The following ALOX5 variants were observed in gnomAD, a reference collection of about 807,000 sequenced individuals.
ALOX5 encodes the protein polyunsaturated fatty acid 5-lipoxygenase.
In ALOX5, 64 loss-of-function variants were observed where a neutral mutation model predicts 87.9. The ratio of observed to expected loss-of-function variants is 0.73; its 90% CI spans 0.60 to 0.90. The LOEUF is 0.90. Among genes scored for constraint, ALOX5 ranks in the 40% least tolerant of loss-of-function variants. The pLI, the probability that ALOX5 is intolerant of heterozygous loss-of-function variation, is 0.00. For missense variants in ALOX5, 822 were observed against 907.5 expected, an observed-to-expected ratio of 0.91 and a Z score of 1.21; for synonymous variants, 388 against 355.1, an observed-to-expected ratio of 1.09 and a Z score of -1.04.
chr10:45,388,056 C>T (rs1266897205), intron 2 of ALOX5, among the ~76,000 whole-genome samples: 1 of 152,204 alleles, frequency 6.6e-6, no homozygotes, highest in Non-Finnish European at 1.5e-5. Flanking sequence ...TGGTGACGGA[C>T]AGCACCTGGA....
At chr10:45,444,665 G>C (rs1205387803) in intron 13 of ALOX5, 3 of 225,248 alleles carry the variant, frequency 1.3e-5, no homozygotes, top group Non-Finnish European at 2.6e-5. Context: ...CCTAACAACT[G>C]AATCCGGTGT....
chr10:45,392,003 C>T (rs1277355753), intron 2 of ALOX5, among the ~76,000 whole-genome samples: 1 of 151,438 alleles, frequency 6.6e-6, no homozygotes, highest in East Asian at 2.0e-4. Context: ...GCGGTCAGCC[C>T]CCCGCCCGGC....
chr10:45,409,966 A>AG (rs991499599), intron 3 of ALOX5, among the ~76,000 whole-genome samples: 1 of 152,256 alleles, frequency 6.6e-6, no homozygotes, highest in African/African-American at 2.4e-5. Flanking sequence ...TCCATAGACC[A>AG]GGGCAGGGCA....
Position 45,405,945 on chromosome 10 carries a change from G to T in ALOX5, c.432-6246G>T, listed in dbSNP as rs533485896. Among the ~76,000 whole-genome samples the T allele has an allele frequency of 3.3e-5, 5 of 152,182 alleles. No individual in the cohort carries two copies. In the South Asian group the frequency reaches 1.0e-3, roughly 32 times the overall value. On this transcript the variant is annotated intron_variant, in intron 3 of 13. Coordinates refer to ENST00000374391, the MANE Select transcript of ALOX5 (RefSeq NM_000698.5). The stretch of plus-strand genomic sequence containing the variant: ...ATACATACCTGGGTGGAACTCTCCC[G>T]GTAGCATTCGTTCCTGACTTGGATG...
chr10:45,434,886 C>T (rs932740908), intron 7 of ALOX5, among the ~76,000 whole-genome samples: 7 of 152,332 alleles, frequency 4.6e-5, no homozygotes, highest in South Asian at 2.1e-4. Flanking sequence ...TATCCCTGGG[C>T]GCTGGAAGAT....
At chr10:45,387,402 G>A (rs1421506264) in intron 2 of ALOX5, among the ~76,000 whole-genome samples, 1 of 152,202 alleles carries the variant, frequency 6.6e-6, no homozygotes, top group Admixed American at 6.5e-5. Flanking sequence ...AAAACCCAGA[G>A]TGAACTCCCG....
Position 45,444,172 on chromosome 10 carries a change from G to C in ALOX5, c.1731G>C (p.Pro577=). The change falls in exon 13 of 14, where the codon CCG becomes CCC. Residue 577 remains proline (P), a synonymous_variant. Transcript: ENST00000374391. ...NAPPTMRAPP[P]TAKGVVTIEQ... ...CCCCAACCATGCGAGCCCCGCCACC[G>C]ACTGCCAAGGGCGTGGTGACCATTG... The C allele has an allele frequency of 6.4e-7, 1 of 1,556,726 alleles. No homozygotes were observed. The highest frequency in any genetic ancestry group is 1.4e-5 in the African/African-American group (1 of 73,494).
At chr10:45,438,737 A>G (rs867952844) in intron 7 of ALOX5, among the ~76,000 whole-genome samples, 2 of 152,226 alleles carry the variant, frequency 1.3e-5, no homozygotes, top group Non-Finnish European at 2.9e-5. Context: ...CTGGGTGCAG[A>G]GTTCTGAGAC....
chr10:45,401,883 G>A (rs1041886913), intron 3 of ALOX5, among the ~76,000 whole-genome samples: 15 of 152,142 alleles, frequency 9.9e-5, no homozygotes, highest in Non-Finnish European at 1.6e-4. Context: ...TCAGGAGATC[G>A]AGACCATCCT....
chr10:45,407,920 G>A (rs1243105757), intron 3 of ALOX5, among the ~76,000 whole-genome samples: 1 of 152,170 alleles, frequency 6.6e-6, no homozygotes, highest in African/African-American at 2.4e-5. Context: ...AACCAAAAGG[G>A]GGAGGCAGGT....
chr10:45,422,621 G>A (rs1421497079), intron 4 of ALOX5, among the ~76,000 whole-genome samples: 1 of 152,200 alleles, frequency 6.6e-6, no homozygotes, highest in African/African-American at 2.4e-5. Context: ...AGCATGCATA[G>A]GGCAGCAGGC....
chr10:45,395,312 T>C (rs1840456191), intron 2 of ALOX5, among the ~76,000 whole-genome samples: 1 of 152,130 alleles, frequency 6.6e-6, no homozygotes, highest in Non-Finnish European at 1.5e-5. Flanking sequence ...TGTAGGGACA[T>C]GGATGAAGCT....
rs571463472 is a variant in ALOX5 at position 45,445,785 on chromosome 10, A to T, written c.*98A>T. The T allele has an allele frequency of 1.3e-5, 17 of 1,329,916 alleles. No individual in the cohort carries two copies. The East Asian group carries it at 4.0e-4, about 31-fold the overall frequency. The allele number at this position is 1,329,916 out of a possible 1,614,324, so 82.4% of individuals were successfully genotyped here. ...TCTGGCCAGGCCTCTTGGCAGTCAC[A>T]TCTCTTCCTCCGAGGCCAGTACCTT... is the stretch of plus-strand genomic sequence containing the variant. On this transcript the variant is annotated 3_prime_UTR_variant, in exon 14 of 14. Transcript: ENST00000374391.
Position 45,374,316 on chromosome 10 carries a change from C to T in ALOX5, c.37C>T (p.Gln13Ter). 6.6e-7 allele frequency: 1 copy of T among 1,521,846 alleles called. No individual in the cohort carries two copies. Among genetic ancestry groups the T allele is most frequent in the South Asian group, 1.2e-5 (1 of 81,668 alleles). 94.3% of individuals were successfully genotyped at this position (1,521,846 alleles called of 1,614,324 possible). The part of the protein sequence containing the change: ...SYTVTVATGS[Q>*]WFAGTDDYIY... ...CACGGTCACCGTGGCCACTGGCAGCCAGTGGTTCGCCGGCACTGACGACTA... is the reference window on the plus strand; with the variant it reads ...CACGGTCACCGTGGCCACTGGCAGCTAGTGGTTCGCCGGCACTGACGACTA... The change falls in exon 1 of 14, where the codon CAG becomes TAG. Residue 13 changes from glutamine to a stop codon, truncating the protein, a stop_gained. Coordinates refer to ENST00000374391, the MANE Select transcript of ALOX5 (RefSeq NM_000698.5). LOFTEE classifies it high-confidence loss of function.
In ALOX5 at chr10:45,441,359, G is replaced by T. The variant is rs755046400; in HGVS notation, c.1201G>T (p.Val401Leu). The change falls in exon 9 of 14, where the codon GTG becomes TTG. Residue 401 changes from valine to leucine, a missense_variant. By Grantham distance (32) the Val-to-Leu change is conservative. Coordinates refer to ENST00000374391, the MANE Select transcript of ALOX5 (RefSeq NM_000698.5). ...HPIFKLLVAHVRFTIAINTKA... is the reference protein window; with the variant it reads ...HPIFKLLVAHLRFTIAINTKA... The stretch of plus-strand genomic sequence containing the variant: ...CCCTCCCCAGCTGCTGGTGGCACAC[G>T]TGAGATTCACCATTGCAATCAACAC... 1 of 1,613,616 alleles carries T rather than the reference G, an allele frequency of 6.2e-7. No individual in the cohort carries two copies. Among genetic ancestry groups the T allele is most frequent in the Non-Finnish European group, 8.5e-7 (1 of 1,179,664 alleles).
chr10:45,388,524 C>T (rs780997444), intron 2 of ALOX5, among the ~76,000 whole-genome samples: 2 of 152,248 alleles, frequency 1.3e-5, no homozygotes, highest in Non-Finnish European at 2.9e-5. Context: ...GCAACATTTG[C>T]TGTTCAGCAA....
At chr10:45,391,563 G>A (rs1588992360) in intron 2 of ALOX5, among the ~76,000 whole-genome samples, 1 of 151,858 alleles carries the variant, frequency 6.6e-6, no homozygotes, top group Non-Finnish European at 1.5e-5. Flanking sequence ...CATCGTCTGG[G>A]ATGTAAGGAG....
chr10:45,395,431 G>T (rs905597602), intron 2 of ALOX5, among the ~76,000 whole-genome samples: 1 of 152,040 alleles, frequency 6.6e-6, no homozygotes, highest in South Asian at 2.1e-4. Flanking sequence ...ACAGGAAGGG[G>T]AACATCACAC....
At chr10:45,418,354 A>G (rs1232870403) in intron 4 of ALOX5, among the ~76,000 whole-genome samples, 1 of 152,132 alleles carries the variant, frequency 6.6e-6, no homozygotes, top group Admixed American at 6.5e-5. Flanking sequence ...TCAAATGAAC[A>G]ATGAGACCCG....
Sources: allele counts gnomAD v4.1 joint callset (sites outside exome capture counted in the v4.1 genomes callset), GRCh38; gene constraint gnomAD v4.1.1; transcripts MANE v1.5; gene names NCBI Gene and HGNC (gene_info 2026-07-23, HGNC 2026-07-21).